Variants in HMCN1 observed in about 807,000 individuals in gnomAD.
HMCN1 encodes hemicentin-1.
Under a neutral mutation model 625.9 loss-of-function variants are expected in HMCN1, and 321 were observed. That is an observed-to-expected ratio of 0.51 (90% CI 0.47 to 0.56). HMCN1 has a LOEUF of 0.56. Among genes scored for constraint, HMCN1 ranks in the 20% least tolerant of loss-of-function variants. HMCN1 has a pLI of 0.00. For synonymous variants in HMCN1, 2,425 were observed against 2,417.6 expected (o/e 1.00, Z -0.09); for missense variants, 6,588 against 6,887.3 (o/e 0.96, Z 1.54).
chr1:186,106,203 T>C (rs548966125), intron 69 of HMCN1, among the ~76,000 whole-genome samples: 137 of 152,352 alleles, frequency 9.0e-4, no homozygotes, highest in African/African-American at 3.1e-3. Flanking sequence ...TAAGAGCATC[T>C]GTTTTCCAGA....
chr1:185,815,783 A>T (rs1324979735), intron 1 of HMCN1, among the ~76,000 whole-genome samples: 1 of 150,344 alleles, frequency 6.7e-6, no homozygotes, highest in Admixed American at 6.6e-5. Context: ...GAAAGTAAAT[A>T]TAACTGACAA....
chr1:185,839,327 A>G (rs961609725), intron 1 of HMCN1, among the ~76,000 whole-genome samples: 5 of 152,198 alleles, frequency 3.3e-5, no homozygotes, highest in African/African-American at 7.2e-5. Flanking sequence ...ACATATCCCA[A>G]TAAGAATTAT....
At chr1:186,136,300 C>T (rs1043072762) in intron 86 of HMCN1, among the ~76,000 whole-genome samples, 17 of 152,132 alleles carry the variant, frequency 1.1e-4, no homozygotes, top group Non-Finnish European at 1.9e-4. Flanking sequence ...TTACCTTGTT[C>T]AAAAGTTGTA....
chr1:186,122,696 T>C (rs1312029151), intron 80 of HMCN1, among the ~76,000 whole-genome samples: 2 of 152,224 alleles, frequency 1.3e-5, no homozygotes, highest in Non-Finnish European at 2.9e-5. Context: ...CATGCCCTCA[T>C]GAATATATGT....
rs999852853 is a variant in HMCN1, at chr1:186,119,274, C to T, written c.11932C>T (p.Arg3978Ter). ...TAGGAATGCGGCTGGCTCTGCACAT[C>T]GACACGTGACCCTTCATGTTCATGG... ...VARNAAGSAHRHVTLHVHEPP... is the reference protein window; with the variant it reads ...VARNAAGSAH Residue 3978 changes from arginine (R) to a stop codon, truncating the protein, a stop_gained, in exon 78 of 107, where the codon CGA becomes TGA. Coordinates refer to ENST00000271588, the MANE Select transcript of HMCN1 (RefSeq NM_031935.3). LOFTEE classifies it high-confidence loss of function. The T allele has an allele frequency of 1.9e-6, 3 of 1,613,386 alleles. No individual in the cohort carries two copies. Among genetic ancestry groups the T allele is most frequent in the Non-Finnish European group, 2.5e-6 (3 of 1,179,386 alleles).
intron 1 of HMCN1, among the ~76,000 whole-genome samples, chr1:185,788,932 T>A (rs368017636): frequency 3.9e-5 from 6 of 152,312 alleles, no homozygotes; most frequent in African/African-American, 1.4e-4. Flanking sequence ...TTCAAAACAT[T>A]TGACTAACCC....
rs529999072 is a variant in HMCN1 at position 185,753,312 on chromosome 1, G to A, written c.268+18265G>A. ...GAAAGTTTGACTCTAGTATATCTATGCCAATGGCTCAGTTTTCATTCCCAA... is the reference window on the plus strand; with the variant it reads ...GAAAGTTTGACTCTAGTATATCTATACCAATGGCTCAGTTTTCATTCCCAA... On this transcript the variant is annotated intron_variant, in intron 1 of 106. Coordinates refer to ENST00000271588, the MANE Select transcript of HMCN1 (RefSeq NM_031935.3). Among the ~76,000 whole-genome samples, 24 of 152,124 alleles carry A rather than the reference G, an allele frequency of 1.6e-4. No homozygotes were observed. In the South Asian group the frequency reaches 4.8e-3, roughly 30 times the overall value.
Position 185,993,164 on chromosome 1 carries a change from A to G in HMCN1, c.3378-18A>G, listed in dbSNP as rs1652552396. On this transcript the variant is annotated intron_variant, in intron 22 of 106. Coordinates refer to ENST00000271588, the MANE Select transcript of HMCN1 (RefSeq NM_031935.3). The stretch of plus-strand genomic sequence containing the variant: ...ATTCTCCTCTTCCATGGTCTACTAT[A>G]TGGTTTCTTTCTTTTAGACACACAT... The G allele has an allele frequency of 2.5e-6, 4 of 1,608,638 alleles. No homozygotes were observed. Among genetic ancestry groups the G allele is most frequent in the African/African-American group, 2.7e-5 (2 of 74,910 alleles).
chr1:185,967,796 C>T, intron 14 of HMCN1, among the ~76,000 whole-genome samples: 1 of 152,092 alleles, frequency 6.6e-6, no homozygotes, highest in East Asian at 1.9e-4. Flanking sequence ...GGAAGAGTTC[C>T]TGCCTTCACC....
At chr1:185,799,238 G>T (rs1225325782) in intron 1 of HMCN1, among the ~76,000 whole-genome samples, 1 of 152,180 alleles carries the variant, frequency 6.6e-6, no homozygotes, top group Admixed American at 6.5e-5. Context: ...TGCAGAGCTG[G>T]GTTGGTGGAA....
intron 2 of HMCN1, among the ~76,000 whole-genome samples, chr1:185,861,625 C>T (rs1662874060): frequency 6.6e-6 from 1 of 152,166 alleles, no homozygotes; most frequent in Admixed American, 6.6e-5. Context: ...AAATTACTAA[C>T]ATGTCTGTCT....
intron 11 of HMCN1, among the ~76,000 whole-genome samples, chr1:185,943,361 C>T (rs867868500): frequency 7.9e-5 from 12 of 152,180 alleles, no homozygotes; most frequent in Admixed American, 3.3e-4. Flanking sequence ...ATGCTACCTC[C>T]AGGTAGATAG....
chr1:185,900,907 G>A (rs1312415492), intron 4 of HMCN1, among the ~76,000 whole-genome samples: 2 of 151,896 alleles, frequency 1.3e-5, no homozygotes. Context: ...TATCTAAAGA[G>A]TATGTCAATC....
intron 105 of HMCN1, among the ~76,000 whole-genome samples, chr1:186,186,948 C>A (rs961813415): frequency 6.6e-6 from 1 of 150,958 alleles, no homozygotes; most frequent in African/African-American, 2.4e-5. Flanking sequence ...GACCCTCTTT[C>A]TTGAAAATCC....
chr1:185,952,674 A>T (rs1183531980), intron 11 of HMCN1, among the ~76,000 whole-genome samples: 1 of 151,770 alleles, frequency 6.6e-6, no homozygotes, highest in Admixed American at 6.6e-5. Context: ...GCAGAAGAAA[A>T]TAAGATGCTT....
rs185445895 is a variant in HMCN1 at position 185,850,394 on chromosome 1, G to A, written c.339+4298G>A. Among the ~76,000 whole-genome samples, 12 of 151,598 alleles carry A rather than the reference G, an allele frequency of 7.9e-5. No homozygotes were observed. The South Asian group carries it at 8.3e-4, about 11-fold the overall frequency. The stretch of plus-strand genomic sequence containing the variant: ...TATTGTATTCATTTTTTTTTCCTCC[G>A]TGACAATACACTCTTATATTCTTGA... On this transcript the variant is annotated intron_variant, in intron 2 of 106. Coordinates refer to ENST00000271588, the MANE Select transcript of HMCN1 (RefSeq NM_031935.3).
chr1:186,079,285 C>T (rs1295005778), intron 55 of HMCN1, among the ~76,000 whole-genome samples: 1 of 152,174 alleles, frequency 6.6e-6, no homozygotes, highest in East Asian at 1.9e-4. Flanking sequence ...GCAGTGTTAG[C>T]AGCTTAACTC....
rs1339890693 is a variant in HMCN1, at chr1:185,987,872, C to A, written c.3048+328C>A. Among the ~76,000 whole-genome samples the A allele has an allele frequency of 1.7e-3, 248 of 146,448 alleles. 1 individual carries two copies. Among genetic ancestry groups the A allele is most frequent in the Middle Eastern group, 7.1e-3 (2 of 280 alleles). On this transcript the variant is annotated intron_variant, in intron 20 of 106. Coordinates refer to ENST00000271588, the MANE Select transcript of HMCN1 (RefSeq NM_031935.3). The stretch of plus-strand genomic sequence containing the variant: ...AAGCCCTGGTCCAAAAAAAAAAAAA[C>A]AAAAAACTTAAGTGCAAGAAGGATG...
chr1:186,119,942 A>G, intron 79 of HMCN1, 60 bp downstream of exon 79: 1 of 1,613,908 alleles, frequency 6.2e-7, no homozygotes, highest in Non-Finnish European at 8.5e-7. Context: ...TATAATTCGA[A>G]TCAGCATGAT....
Sources: gnomAD v4.1 joint callset for allele counts (sites outside exome capture counted in the v4.1 genomes callset) on GRCh38, gnomAD v4.1.1 for gene constraint, MANE v1.5 for transcripts, NCBI Gene and HGNC (gene_info 2026-07-23, HGNC 2026-07-21) for gene names.